Variants in NEMP2 observed in about 807,000 individuals in gnomAD.
NEMP2 encodes the protein nuclear envelope integral membrane protein 2.
In NEMP2, 53 loss-of-function variants were observed where a neutral mutation model predicts 54.2. That is an observed-to-expected ratio of 0.98 (90% CI 0.78 to 1.23). NEMP2 has a LOEUF of 1.23. NEMP2 is among the 50% of genes most tolerant of loss of function. NEMP2 has a pLI of 0.00. For missense variants in NEMP2, 455 were observed against 511.3 expected, an observed-to-expected ratio of 0.89 and a Z score of 1.06; for synonymous variants, 197 against 190.3, an observed-to-expected ratio of 1.04 and a Z score of -0.29.
chr2:190,425,534 C>G, the NEMP2 span, among the ~76,000 whole-genome samples: 4 of 152,088 alleles, frequency 2.6e-5, no homozygotes, highest in African/African-American at 9.7e-5. This position sits in a 1 kb window ranked among gnomAD's most constrained non-coding sequence, Gnocchi z 4.3. Flanking sequence ...AGACTTTTAC[C>G]TCAGAACCTA....
chr2:190,619,399 C>T, the NEMP2 span, among the ~76,000 whole-genome samples: 1 of 151,464 alleles, frequency 6.6e-6, no homozygotes. This position sits in a 1 kb window ranked among gnomAD's most constrained non-coding sequence, Gnocchi z 5.5. Flanking sequence ...ACCTGGGAGG[C>T]TGAGGTGGGA....
the NEMP2 span, among the ~76,000 whole-genome samples, chr2:190,465,908 G>A: frequency 3.3e-5 from 5 of 152,126 alleles, no homozygotes; most frequent in South Asian, 2.1e-4. This position sits in a 1 kb window ranked among gnomAD's most constrained non-coding sequence, Gnocchi z 4.6. Context: ...CAGAAGAATC[G>A]CTTGAATCCG....
At chr2:190,604,774 C>G in the NEMP2 span, among the ~76,000 whole-genome samples, 22 of 152,094 alleles carry the variant, frequency 1.4e-4, no homozygotes, top group African/African-American at 5.1e-4. This position sits in a 1 kb window ranked among gnomAD's most constrained non-coding sequence, Gnocchi z 4.5. Flanking sequence ...TTATTCAGCT[C>G]TCTCCCTAAC....
chr2:190,591,148 G>A, the NEMP2 span, among the ~76,000 whole-genome samples: 1 of 152,116 alleles, frequency 6.6e-6, no homozygotes, highest in Non-Finnish European at 1.5e-5. This position sits in a 1 kb window ranked among gnomAD's most constrained non-coding sequence, Gnocchi z 5.4. Context: ...CCATGCAGGG[G>A]GAGAAATTTT....
the NEMP2 span, among the ~76,000 whole-genome samples, chr2:190,469,133 T>C: frequency 6.6e-6 from 1 of 152,200 alleles, no homozygotes; most frequent in African/African-American, 2.4e-5. This position sits in a 1 kb window ranked among gnomAD's most constrained non-coding sequence, Gnocchi z 5.3. Flanking sequence ...TTTGTAAACA[T>C]ATGATACCAT....
rs1468761539 is a variant in NEMP2 at position 190,512,479 on chromosome 2, A to G, written c.954-1942T>C. Among the ~76,000 whole-genome samples the G allele has an allele frequency of 6.6e-6, 1 of 152,234 alleles. No individual in the cohort carries two copies. The highest frequency in any genetic ancestry group is 2.4e-5 in the African/African-American group (1 of 41,466). On this transcript the variant is annotated intron_variant, in intron 7 of 8. Transcript: ENST00000409150. The surrounding 1 kb of genome is among the most constrained non-coding windows in gnomAD (Gnocchi z 4.5). ...ATTTCTCTGGTGTGTTATTTAACCT[A>G]TAAGTTCCTGTTTCATCCCCTAATT...
At chr2:190,468,816 G>A in the NEMP2 span, among the ~76,000 whole-genome samples, 7 of 152,058 alleles carry the variant, frequency 4.6e-5, no homozygotes, top group Non-Finnish European at 1.0e-4. Context: ...TATCGTGTTG[G>A]TTTATTTCTT....
chr2:190,465,674 T>G, the NEMP2 span, among the ~76,000 whole-genome samples: 2 of 152,200 alleles, frequency 1.3e-5, no homozygotes, highest in Non-Finnish European at 2.9e-5. The surrounding 1 kb of genome is among the most constrained non-coding windows in gnomAD (Gnocchi z 4.6). Context: ...TACCACAAAG[T>G]ACCACGGTCT....
the NEMP2 span, chr2:190,620,385 A>C: frequency 6.6e-6 from 1 of 152,230 alleles, no homozygotes; most frequent in Non-Finnish European, 1.5e-5. This position sits in a 1 kb window ranked among gnomAD's most constrained non-coding sequence, Gnocchi z 4.9. Context: ...AAGAGAGAGA[A>C]AAGTTTCTTC....
rs1434786540 is a variant in NEMP2, at chr2:190,505,902, C to CAA, written c.*3285_*3286dup. 3 of 152,204 alleles carry CAA rather than the reference C, an allele frequency of 2.0e-5. No individual in the cohort carries two copies. Among genetic ancestry groups the CAA allele is most frequent in the African/African-American group, 7.2e-5 (3 of 41,448 alleles). The allele number at this position is 152,204 out of a possible 1,614,324, so 9.4% of individuals were successfully genotyped here. The stretch of plus-strand genomic sequence containing the variant: ...CTGGGGTGGGGGGTGGCATCTGCAT[C>CAA]AAACTCTTTGGCCTCATGACATTAA... On this transcript the variant is annotated 3_prime_UTR_variant, in exon 9 of 9. Coordinates refer to ENST00000409150, the MANE Select transcript of NEMP2 (RefSeq NM_001142645.2). The surrounding 1 kb of genome is among the most constrained non-coding windows in gnomAD (Gnocchi z 5.8).
At chr2:190,596,567 A>C in the NEMP2 span, among the ~76,000 whole-genome samples, 1 of 152,196 alleles carries the variant, frequency 6.6e-6, no homozygotes, top group Non-Finnish European at 1.5e-5. This position sits in a 1 kb window ranked among gnomAD's most constrained non-coding sequence, Gnocchi z 5.1. Context: ...AAGTTTGTCA[A>C]GTCTGTGATG....
chr2:190,467,631 A>G, the NEMP2 span, among the ~76,000 whole-genome samples: 1 of 152,082 alleles, frequency 6.6e-6, no homozygotes, highest in African/African-American at 2.4e-5. This position sits in a 1 kb window ranked among gnomAD's most constrained non-coding sequence, Gnocchi z 5.5. Flanking sequence ...AAAAAGAATT[A>G]AGGAGCGAGG....
At chr2:190,499,085 T>C in the NEMP2 span, among the ~76,000 whole-genome samples, 1 of 152,032 alleles carries the variant, frequency 6.6e-6, no homozygotes, top group Non-Finnish European at 1.5e-5. This position sits in a 1 kb window ranked among gnomAD's most constrained non-coding sequence, Gnocchi z 6.0. Flanking sequence ...CAGGAGGAGG[T>C]TGCAGTGAGC....
the NEMP2 span, among the ~76,000 whole-genome samples, chr2:190,487,211 G>A: frequency 3.3e-5 from 5 of 151,966 alleles, no homozygotes; most frequent in Non-Finnish European, 7.4e-5. This position sits in a 1 kb window ranked among gnomAD's most constrained non-coding sequence, Gnocchi z 5.5. Context: ...GGTGGTGGCG[G>A]GCACTTGTAG....
the NEMP2 span, among the ~76,000 whole-genome samples, chr2:190,637,171 A>G: frequency 1.2e-4 from 19 of 152,386 alleles, no homozygotes; most frequent in Admixed American, 1.1e-3. The surrounding 1 kb of genome is among the most constrained non-coding windows in gnomAD (Gnocchi z 4.5). Context: ...TGAGAAGTAT[A>G]GTGTACAGTA....
At chr2:190,581,013 T>G in the NEMP2 span, among the ~76,000 whole-genome samples, 1 of 152,222 alleles carries the variant, frequency 6.6e-6, no homozygotes, top group Non-Finnish European at 1.5e-5. Flanking sequence ...TAGTAACTAA[T>G]GTTGTACCAT....
chr2:190,603,503 C>T, the NEMP2 span, among the ~76,000 whole-genome samples: 2 of 149,878 alleles, frequency 1.3e-5, no homozygotes, highest in African/African-American at 4.9e-5. Context: ...ACAGCTGCTT[C>T]CACTCTCTCC....
At chr2:190,455,012 T>TA in the NEMP2 span, among the ~76,000 whole-genome samples, 1 of 134,920 alleles carries the variant, frequency 7.4e-6, no homozygotes, top group Admixed American at 7.6e-5. Flanking sequence ...TGTATATGTA[T>TA]ATGTATATGT....
At chr2:190,479,581 G>A in the NEMP2 span, among the ~76,000 whole-genome samples, 4 of 152,176 alleles carry the variant, frequency 2.6e-5, no homozygotes, top group African/African-American at 9.7e-5. Context: ...GCCCAAACTT[G>A]TTATTCTCCT....
Sources: allele counts gnomAD v4.1 joint callset (sites outside exome capture counted in the v4.1 genomes callset), GRCh38; gene constraint gnomAD v4.1.1; non-coding constraint Gnocchi (gnomAD v3.1); transcripts MANE v1.5; gene names NCBI Gene and HGNC (gene_info 2026-07-23, HGNC 2026-07-21).